The following PCNT variants were observed in gnomAD, a reference collection of about 807,000 sequenced individuals.
The protein encoded by PCNT is kendrin.
Under a neutral mutation model 380.4 loss-of-function variants are expected in PCNT, and 319 were observed. That is an observed-to-expected ratio of 0.84 (90% CI 0.77 to 0.92). PCNT has a LOEUF of 0.92. PCNT is among the 40% of genes least tolerant of loss of function. The probability of loss-of-function intolerance (pLI) is 0.00; values close to 1 mark genes in which losing one functional copy is unlikely to be tolerated. For missense variants in PCNT, 4,400 were observed against 4,255.3 expected, an observed-to-expected ratio of 1.03 and a Z score of -0.95; for synonymous variants, 1,845 against 1,735.2, an observed-to-expected ratio of 1.06 and a Z score of -1.57.
intron 41 of PCNT, among the ~76,000 whole-genome samples, chr21:46,438,669 ATTTT>A (rs34152810): frequency 0.12 from 15,587 of 127,550 alleles, 2,332 homozygotes; most frequent in African/African-American, 0.39. Flanking sequence ...GTGATTTATA[ATTTT>A]TTTTTTTTTT....
At chr21:46,424,326 C>G (rs537502404) in intron 32 of PCNT, among the ~76,000 whole-genome samples, 1 of 152,362 alleles carries the variant, frequency 6.6e-6, no homozygotes, top group African/African-American at 2.4e-5. Flanking sequence ...GCCGCTGCCA[C>G]CACCACCACT....
chr21:46,381,930 A>G (rs982367342), intron 16 of PCNT, 90 bp downstream of exon 16: 1 of 1,359,818 alleles, frequency 7.4e-7, no homozygotes, highest in Non-Finnish European at 1.1e-6. Context: ...CAGTGGCAGG[A>G]GTGCACTCAT....
At chr21:46,375,147 A>C (rs558295042) in intron 15 of PCNT, among the ~76,000 whole-genome samples, 1 of 152,278 alleles carries the variant, frequency 6.6e-6, no homozygotes, top group East Asian at 1.9e-4. Context: ...TATGTATCCC[A>C]TAAGATTCCC....
chr21:46,433,225 T>A (rs905347151), intron 38 of PCNT, among the ~76,000 whole-genome samples: 1 of 151,994 alleles, frequency 6.6e-6, no homozygotes, highest in South Asian at 2.1e-4. Flanking sequence ...CTACTAAAAA[T>A]ACAAAAAATT....
intron 15 of PCNT, among the ~76,000 whole-genome samples, chr21:46,370,356 C>G (rs1030459677): frequency 6.6e-6 from 1 of 151,344 alleles, no homozygotes; most frequent in Admixed American, 6.6e-5. Flanking sequence ...GGCAGCTGGA[C>G]GAAACACAAA....
chr21:46,442,087 G>A (rs2053621001), intron 43 of PCNT, among the ~76,000 whole-genome samples: 2 of 152,204 alleles, frequency 1.3e-5, no homozygotes, highest in South Asian at 4.1e-4. Context: ...TTCTGAGCCT[G>A]TCCAGTGGCA....
intron 21 of PCNT, among the ~76,000 whole-genome samples, chr21:46,393,528 C>A (rs1299849792): frequency 6.6e-6 from 1 of 152,124 alleles, no homozygotes; most frequent in Non-Finnish European, 1.5e-5. Context: ...AGCCAGCCGG[C>A]GCTGGGCCAC....
rs777006769 is a variant in PCNT at position 46,363,700 on chromosome 21, G to A, written c.2375G>A (p.Arg792Gln). The A allele has an allele frequency of 3.1e-6, 5 of 1,614,044 alleles. No individual in the cohort carries two copies. Among genetic ancestry groups the A allele is most frequent in the East Asian group, 2.2e-5 (1 of 44,898 alleles). ...ACCATCATAAACAAGTTTGAGCTTC[G>A]AGAAGCTGAAATGAGGCAGCTTCAG... The part of the protein sequence containing the change: ...KQTIINKFEL[R>Q]EAEMRQLQDQ... The change falls in exon 14 of 47, where the codon CGA becomes CAA. Residue 792 changes from arginine to glutamine, a missense_variant. Arg to Gln is a conservative substitution (Grantham distance 43). Coordinates refer to ENST00000359568, the MANE Select transcript of PCNT (RefSeq NM_006031.6).
intron 35 of PCNT, 53 bp from the exon 36 acceptor site, chr21:46,429,957 G>T: frequency 1.4e-5 from 20 of 1,457,308 alleles, no homozygotes; most frequent in Non-Finnish European, 1.9e-5. Context: ...GGTGTCACTT[G>T]TGCAGCACGA....
chr21:46,356,845 C>T, intron 12 of PCNT, 129 bp from the exon 13 acceptor site: 5 of 774,022 alleles, frequency 6.5e-6, no homozygotes, highest in South Asian at 3.1e-5. Context: ...TGAGTCAGCA[C>T]AGAGCTTGAA....
At chr21:46,387,523 T>A (rs2085880682) in intron 17 of PCNT, among the ~76,000 whole-genome samples, 1 of 151,920 alleles carries the variant, frequency 6.6e-6, no homozygotes, top group African/African-American at 2.4e-5. Flanking sequence ...AGGCTGCCTG[T>A]CTTGAGGTGG....
intron 1 of PCNT, 83 bp downstream of exon 1, chr21:46,324,365 G>A: frequency 8.4e-7 from 1 of 1,196,754 alleles, no homozygotes; most frequent in South Asian, 1.3e-5. Context: ...CCCCCTGCCA[G>A]GAGAGGACGC....
chr21:46,361,652 C>T (rs1243730695), intron 13 of PCNT, among the ~76,000 whole-genome samples: 1 of 152,222 alleles, frequency 6.6e-6, no homozygotes, highest in African/African-American at 2.4e-5. Flanking sequence ...CTTGCCATTT[C>T]TGGTGCTCTT....
chr21:46,380,101 T>C (rs1191770895), intron 15 of PCNT, among the ~76,000 whole-genome samples: 2 of 151,044 alleles, frequency 1.3e-5, no homozygotes, highest in Non-Finnish European at 3.0e-5. Context: ...GTGCGGCTAT[T>C]AAACACTTGA....
At position 46,438,219 on chromosome 21, in the gene PCNT, A is replaced by G. The variant is rs779546932; in HGVS notation, c.9155A>G (p.Asn3052Ser). The G allele has an allele frequency of 3.2e-5, 52 of 1,614,002 alleles. No individual in the cohort carries two copies. The highest frequency in any genetic ancestry group is 1.8e-4 in the East Asian group (8 of 44,900). The change falls in exon 41 of 47, where the codon AAT becomes AGT. Residue 3052 changes from asparagine to serine, a missense_variant. Transcript: ENST00000359568. The stretch of plus-strand genomic sequence containing the variant: ...TTTGTGGACGTCCTGCTGAAAGACA[A>G]TGTTTCCCTCACAAAAGCGCTCAGC... Reference protein sequence around the residue: ...FQFVDVLLKDNVSLTKALSTV... With the variant: ...FQFVDVLLKDSVSLTKALSTV...
intron 1 of PCNT, chr21:46,325,229 C>CA: frequency 1.0e-6 from 1 of 982,248 alleles, no homozygotes; most frequent in South Asian, 4.7e-5. Context: ...CGCTCCCCCC[C>CA]AGGATGTTCT....
chr21:46,406,953 A>T (rs917872378), intron 27 of PCNT, among the ~76,000 whole-genome samples: 1 of 152,208 alleles, frequency 6.6e-6, no homozygotes, highest in Non-Finnish European at 1.5e-5. Context: ...ATATTACTGA[A>T]TTTGATTTGC....
In PCNT at chr21:46,391,208, G is replaced by A; in HGVS notation, c.4048G>A (p.Val1350Met). 3 of 1,609,458 alleles carry A rather than the reference G, an allele frequency of 1.9e-6. No individual in the cohort carries two copies. Among genetic ancestry groups the A allele is most frequent in the Non-Finnish European group, 2.5e-6 (3 of 1,178,118 alleles). The change falls in exon 21 of 47, where the codon GTG (valine) becomes ATG (methionine). Residue 1350 changes from valine (V) to methionine (M), a missense_variant. Transcript: ENST00000359568. ...FKVETADLKE[V>M]LAGKEDSEHR... The stretch of plus-strand genomic sequence containing the variant: ...GGTGGAGACAGCAGATCTGAAGGAG[G>A]TGCTGGCCGGGAAGGAGGATTCCGA...
In PCNT at chr21:46,389,476, A is replaced by G. The variant is rs765832554; in HGVS notation, c.3840+45A>G. The G allele has an allele frequency of 1.9e-5, 28 of 1,492,370 alleles. No individual in the cohort carries two copies. In the South Asian group the frequency reaches 2.9e-4, roughly 16 times the overall value. The allele number at this position is 1,492,370 out of a possible 1,614,324, so 92.4% of individuals were successfully genotyped here. ...GGTCCTGTGGAGATGTGAACAACTG[A>G]GTAGCTGATGATGCCACACGAGCCT... On this transcript the variant is annotated intron_variant, in intron 19 of 46. Coordinates refer to ENST00000359568, the MANE Select transcript of PCNT (RefSeq NM_006031.6).
Sources: gnomAD v4.1 joint callset for allele counts (sites outside exome capture counted in the v4.1 genomes callset) on GRCh38, gnomAD v4.1.1 for gene constraint, MANE v1.5 for transcripts, NCBI Gene and HGNC (gene_info 2026-07-23, HGNC 2026-07-21) for gene names.